SGCZ: variants seen among roughly 807,000 people sequenced by gnomAD.
SGCZ encodes sarcoglycan zeta.
Under a neutral mutation model 41.3 loss-of-function variants are expected in SGCZ, and 40 were observed. The observed-to-expected ratio is 0.97, with a 90% CI of 0.75 to 1.26. SGCZ has a LOEUF of 1.26. Among genes scored for constraint, SGCZ ranks in the 50% most tolerant of loss-of-function variants. The probability of loss-of-function intolerance (pLI) is 0.00; values close to 1 mark genes in which losing one functional copy is unlikely to be tolerated. For synonymous variants in SGCZ, 206 were observed against 137.5 expected (o/e 1.50, Z -3.49); for missense variants, 552 against 369.8 (o/e 1.49, Z -4.04).
chr8:14,575,666 G>T (rs1314599995), intron 1 of SGCZ, among the ~76,000 whole-genome samples: 1 of 152,174 alleles, frequency 6.6e-6, no homozygotes, highest in East Asian at 1.9e-4. Flanking sequence ...TGGCACTTTG[G>T]GAGGCTGAGG....
chr8:14,406,825 G>A (rs1799223528), intron 2 of SGCZ, among the ~76,000 whole-genome samples: 1 of 152,166 alleles, frequency 6.6e-6, no homozygotes, highest in Non-Finnish European at 1.5e-5. Flanking sequence ...TATGAGTGCA[G>A]CACTGATTCT....
At chr8:14,595,246 G>A (rs188041657) in intron 1 of SGCZ, among the ~76,000 whole-genome samples, 4 of 152,056 alleles carry the variant, frequency 2.6e-5, no homozygotes, top group Non-Finnish European at 5.9e-5. Flanking sequence ...TTAAATACAA[G>A]TCATTTCAAA....
intron 2 of SGCZ, among the ~76,000 whole-genome samples, chr8:14,341,917 A>G (rs944039856): frequency 6.6e-5 from 10 of 152,180 alleles, no homozygotes; most frequent in Admixed American, 6.6e-4. Context: ...GTCTGGCTTT[A>G]TCAGCAGTGT....
intron 1 of SGCZ, among the ~76,000 whole-genome samples, chr8:14,782,625 G>T (rs139564041): frequency 6.6e-6 from 1 of 152,172 alleles, no homozygotes; most frequent in East Asian, 1.9e-4. Flanking sequence ...AAACAATCCA[G>T]TTGTGACTCA....
At chr8:14,476,186 T>C (rs953751260) in intron 2 of SGCZ, among the ~76,000 whole-genome samples, 2 of 152,130 alleles carry the variant, frequency 1.3e-5, no homozygotes, top group Non-Finnish European at 2.9e-5. Flanking sequence ...TGAGAGTGTT[T>C]CTGTATTAGC....
intron 1 of SGCZ, among the ~76,000 whole-genome samples, chr8:15,019,940 G>A (rs1007718618): frequency 6.6e-6 from 1 of 150,836 alleles, no homozygotes; most frequent in Non-Finnish European, 1.5e-5. Flanking sequence ...GGTAGAACTG[G>A]AGACTTAGAA....
At chr8:15,181,905 C>T (rs542112450) in intron 1 of SGCZ, among the ~76,000 whole-genome samples, 1 of 152,030 alleles carries the variant, frequency 6.6e-6, no homozygotes, top group African/African-American at 2.4e-5. Context: ...ATACCTTCTT[C>T]TAATGCTTTT....
rs1264177986 is a variant in SGCZ at position 14,897,396 on chromosome 8, C to T, written c.39+340189G>A. 2.6e-5 allele frequency among the ~76,000 whole-genome samples: 4 copies of T among 152,250 alleles called. No individual in the cohort carries two copies. The East Asian group carries it at 5.8e-4, about 22-fold the overall frequency. ...TATACTGAGTATCCCACTAGGATGG[C>T]TTGTAACGTTTAGCCCTTCCTCTTA... On this transcript the variant is annotated intron_variant, in intron 1 of 7. Transcript: ENST00000382080.
chr8:14,529,267 A>G (rs1803051446), intron 2 of SGCZ, among the ~76,000 whole-genome samples: 1 of 152,126 alleles, frequency 6.6e-6, no homozygotes, highest in Admixed American at 6.6e-5. Context: ...CAAGTAAGAC[A>G]CACCTGGGGA....
At chr8:14,677,268 T>C (rs1035778306) in intron 1 of SGCZ, among the ~76,000 whole-genome samples, 1 of 151,762 alleles carries the variant, frequency 6.6e-6, no homozygotes, top group African/African-American at 2.4e-5. Context: ...AAGATATATA[T>C]AAAGAAAATT....
At chr8:14,926,676 C>T (rs1397789792) in intron 1 of SGCZ, among the ~76,000 whole-genome samples, 1 of 151,868 alleles carries the variant, frequency 6.6e-6, no homozygotes, top group African/African-American at 2.4e-5. Context: ...CAGTCTCGCT[C>T]TGTTGCCAGA....
chr8:14,734,874 T>C (rs1223819257), intron 1 of SGCZ, among the ~76,000 whole-genome samples: 4 of 152,128 alleles, frequency 2.6e-5, no homozygotes, highest in Non-Finnish European at 5.9e-5. Flanking sequence ...GCTAAACAAT[T>C]ACATAAAATA....
chr8:14,331,927 G>A (rs991639493), intron 2 of SGCZ, among the ~76,000 whole-genome samples: 2 of 151,534 alleles, frequency 1.3e-5, no homozygotes, highest in Non-Finnish European at 2.9e-5. Flanking sequence ...AGGGAAATAT[G>A]TATTCATACT....
rs543558269 is a variant in SGCZ at position 14,413,364 on chromosome 8, A to G, written c.235-89160T>C. ...GATATCCTTACTTTTTAAGCTATTT[A>G]TATGTAGTTCTCTGCCCAATAAGTT... On this transcript the variant is annotated intron_variant, in intron 2 of 7. Coordinates refer to ENST00000382080, the MANE Select transcript of SGCZ (RefSeq NM_139167.4). Among the ~76,000 whole-genome samples the G allele has an allele frequency of 2.0e-3, 301 of 151,938 alleles. 1 individual carries two copies. The highest frequency in any genetic ancestry group is 3.7e-3 in the Non-Finnish European group (249 of 67,892).
chr8:14,297,107 G>T (rs1352327741), intron 3 of SGCZ, among the ~76,000 whole-genome samples: 1 of 151,954 alleles, frequency 6.6e-6, no homozygotes, highest in Non-Finnish European at 1.5e-5. Context: ...ATTTTTGGTA[G>T]AAACGGGGTT....
intron 5 of SGCZ, among the ~76,000 whole-genome samples, chr8:14,120,659 G>C (rs1362163745): frequency 6.6e-6 from 1 of 151,790 alleles, no homozygotes; most frequent in African/African-American, 2.4e-5. Context: ...AAATCCAAAA[G>C]AATCTACAGA....
intron 1 of SGCZ, among the ~76,000 whole-genome samples, chr8:14,929,028 G>C (rs1367293905): frequency 6.6e-6 from 1 of 152,034 alleles, no homozygotes; most frequent in Non-Finnish European, 1.5e-5. Context: ...GTCTCACTCT[G>C]TTGCCCAGAC....
At chr8:14,453,815 A>C (rs914099353) in intron 2 of SGCZ, among the ~76,000 whole-genome samples, 4 of 152,208 alleles carry the variant, frequency 2.6e-5, no homozygotes, top group African/African-American at 9.7e-5. Flanking sequence ...GTTTCCAAAA[A>C]TTCTGTCAGT....
intron 1 of SGCZ, among the ~76,000 whole-genome samples, chr8:14,761,428 C>A (rs550653069): frequency 6.6e-6 from 1 of 151,776 alleles, no homozygotes; most frequent in Non-Finnish European, 1.5e-5. Flanking sequence ...AGCAGTCTTC[C>A]TCAAACCAAT....
Sources: gnomAD v4.1 joint callset for allele counts (sites outside exome capture counted in the v4.1 genomes callset) on GRCh38, gnomAD v4.1.1 for gene constraint, MANE v1.5 for transcripts, NCBI Gene and HGNC (gene_info 2026-07-23, HGNC 2026-07-21) for gene names.